Variants in NEDD4L observed in about 807,000 individuals in gnomAD.
NEDD4L encodes NEDD4 like E3 ubiquitin protein ligase, also known as E3 ubiquitin-protein ligase NEDD4-like.
A neutral mutation model predicts 148.9 loss-of-function variants in NEDD4L; 54 were observed. That is an observed-to-expected ratio of 0.36 (90% CI 0.29 to 0.45). The LOEUF is 0.45. Among genes scored for constraint, NEDD4L ranks in the 20% least tolerant of loss-of-function variants. The pLI, the probability that NEDD4L is intolerant of heterozygous loss-of-function variation, is 1.00. For missense variants in NEDD4L, 856 were observed against 1,233.8 expected (o/e 0.69, Z 4.59); for synonymous variants, 433 against 440.7 (o/e 0.98, Z 0.22).
Position 58,370,484 on chromosome 18 carries a change from C to T in NEDD4L, c.2256+17C>T. The stretch of plus-strand genomic sequence containing the variant: ...GAATCTGTGGTAAGTAAATGCACGT[C>T]ACACACTGGCCATCACCGGGCACTC... On this transcript the variant is annotated intron_variant, in intron 23 of 30. Transcript: ENST00000400345. 1 of 1,531,238 alleles carries T rather than the reference C, an allele frequency of 6.5e-7. No homozygotes were observed. The highest frequency in any genetic ancestry group is 9.1e-7 in the Non-Finnish European group (1 of 1,104,506). 94.9% of individuals were successfully genotyped at this position (1,531,238 alleles called of 1,614,324 possible).
chr18:58,287,214 G>C (rs1221923293), intron 5 of NEDD4L, among the ~76,000 whole-genome samples: 1 of 151,758 alleles, frequency 6.6e-6, no homozygotes, highest in Non-Finnish European at 1.5e-5. Context: ...CAAAAAGGCA[G>C]CTCTCAACCC....
At chr18:58,291,722 C>CTAATTAAGGACAAAAAT (rs2054793552) in intron 5 of NEDD4L, among the ~76,000 whole-genome samples, 1 of 152,152 alleles carries the variant, frequency 6.6e-6, no homozygotes, top group Non-Finnish European at 1.5e-5. Context: ...TTAGATGAAA[C>CTAATTAAGGACAAAAAT]TAATTAAGGA....
chr18:58,255,510 G>T, intron 5 of NEDD4L: 1 of 1,231,006 alleles, frequency 8.1e-7, no homozygotes, highest in South Asian at 4.3e-5. Context: ...TGTCGCTCCC[G>T]GTGCCGCAGT....
At chr18:58,325,760 C>G (rs1568705302) in intron 9 of NEDD4L, among the ~76,000 whole-genome samples, 1 of 152,122 alleles carries the variant, frequency 6.6e-6, no homozygotes, top group Non-Finnish European at 1.5e-5. Flanking sequence ...CTGTTTTGTT[C>G]CCTCAGCAAT....
chr18:58,165,945 T>C (rs2036797082), intron 2 of NEDD4L, 84 bp downstream of exon 2: 3 of 1,127,380 alleles, frequency 2.7e-6, no homozygotes, highest in Non-Finnish European at 3.9e-6. Flanking sequence ...CAGAATCACC[T>C]GGAGGACTTC....
In NEDD4L at chr18:58,396,841, C is replaced by A. The variant is rs988076318; in HGVS notation, c.*572C>A. ...GGAAGGCAAATTTTTGTCCAAAAAC[C>A]TACAGACAAGTACTTTGAGAGAATT... On this transcript the variant is annotated 3_prime_UTR_variant, in exon 31 of 31. Transcript: ENST00000400345. 3 of 152,352 alleles carry A rather than the reference C, an allele frequency of 2.0e-5. No homozygotes were observed. Among genetic ancestry groups the A allele is most frequent in the African/African-American group, 7.3e-5 (3 of 41,338 alleles). The allele number at this position is 152,352 out of a possible 1,614,324, so 9.4% of individuals were successfully genotyped here.
At chr18:58,352,918 C>A (rs775449903) in intron 18 of NEDD4L, among the ~76,000 whole-genome samples, 2 of 152,286 alleles carry the variant, frequency 1.3e-5, no homozygotes, top group South Asian at 2.1e-4. Context: ...AACACAATTA[C>A]AAAGGGCTGT....
intron 1 of NEDD4L, among the ~76,000 whole-genome samples, chr18:58,142,040 C>CTT (rs552184742): frequency 0.02 from 836 of 41,862 alleles, 42 homozygotes; most frequent in African/African-American, 0.035. Flanking sequence ...AAATTTCTTT[C>CTT]TTTTTTTTTT....
At chr18:58,228,552 A>G (rs2044653085) in intron 2 of NEDD4L, among the ~76,000 whole-genome samples, 1 of 152,208 alleles carries the variant, frequency 6.6e-6, no homozygotes, top group Non-Finnish European at 1.5e-5. Flanking sequence ...AGGCTATTTG[A>G]TTAATAATTT....
chr18:58,046,242 T>G lies in NEDD4L; in HGVS notation c.48+1534T>G, dbSNP rs531973951. 2.0e-5 allele frequency: 3 copies of G among 152,324 alleles called. No homozygotes were observed. The South Asian group carries it at 6.2e-4, about 32-fold the overall frequency. The allele number at this position is 152,324 out of a possible 1,614,324, so 9.4% of individuals were successfully genotyped here. On this transcript the variant is annotated intron_variant, in intron 1 of 30. Coordinates refer to ENST00000400345, the MANE Select transcript of NEDD4L (RefSeq NM_001144967.3). ...GATAGGTGACAGTAGCATTGTTTCA[T>G]TGACCCGGGGGGCTTCTCCTCTCCC...
At chr18:58,155,077 C>T (rs1036795066) in intron 1 of NEDD4L, among the ~76,000 whole-genome samples, 16 of 151,936 alleles carry the variant, frequency 1.1e-4, no homozygotes, top group Non-Finnish European at 1.3e-4. Flanking sequence ...AAATCTAGTC[C>T]ATGGACACAA....
chr18:58,362,809 G>A (rs369529921), intron 19 of NEDD4L, among the ~76,000 whole-genome samples: 1 of 152,232 alleles, frequency 6.6e-6, no homozygotes, highest in African/African-American at 2.4e-5. Context: ...TTTGTGACGG[G>A]ATGTACTGTT....
intron 13 of NEDD4L, chr18:58,335,760 T>C: frequency 2.2e-6 from 1 of 450,898 alleles, no homozygotes; most frequent in Non-Finnish European, 4.0e-6. Context: ...TTAGGAATAC[T>C]ATCAGGCTTT....
intron 1 of NEDD4L, among the ~76,000 whole-genome samples, chr18:58,076,656 G>A (rs971581963): frequency 6.6e-6 from 1 of 152,040 alleles, no homozygotes; most frequent in Non-Finnish European, 1.5e-5. Flanking sequence ...GTCTTTCAGC[G>A]GGCGGGCGGG....
chr18:58,337,331 G>A (rs1393017333), intron 13 of NEDD4L, among the ~76,000 whole-genome samples: 1 of 152,148 alleles, frequency 6.6e-6, no homozygotes, highest in African/African-American at 2.4e-5. Flanking sequence ...CTCTTCTGCT[G>A]TATCCTGCAT....
In NEDD4L at chr18:58,167,768, G is replaced by T. The variant is rs1451379796; in HGVS notation, c.122+1907G>T. Among the ~76,000 whole-genome samples the T allele has an allele frequency of 2.0e-5, 3 of 152,246 alleles. No homozygotes were observed. The East Asian group carries it at 5.8e-4, about 29-fold the overall frequency. On this transcript the variant is annotated intron_variant, in intron 2 of 30. Transcript: ENST00000400345. ...AATGTAAACATTTGCATGCCAACCG[G>T]TAGTGGATTGTGCCCTTAGGTTAAA...
chr18:58,342,075 C>A (rs533144557), intron 15 of NEDD4L, among the ~76,000 whole-genome samples: 1 of 152,200 alleles, frequency 6.6e-6, no homozygotes, highest in South Asian at 2.1e-4. Context: ...TTCCACCGTT[C>A]TTGTTGTGTT....
intron 11 of NEDD4L, among the ~76,000 whole-genome samples, chr18:58,331,587 T>C (rs1481490417): frequency 1.3e-5 from 2 of 152,220 alleles, no homozygotes; most frequent in African/African-American, 2.4e-5. Flanking sequence ...TCACAAAGAC[T>C]TCCATGTTTG....
At chr18:58,185,152 G>C (rs2039327928) in intron 2 of NEDD4L, among the ~76,000 whole-genome samples, 1 of 152,134 alleles carries the variant, frequency 6.6e-6, no homozygotes, top group Admixed American at 6.5e-5. Context: ...CAGGTTCCTG[G>C]TTAGCATTTA....
Sources: allele counts gnomAD v4.1 joint callset (sites outside exome capture counted in the v4.1 genomes callset), GRCh38; gene constraint gnomAD v4.1.1; transcripts MANE v1.5; gene names NCBI Gene and HGNC (gene_info 2026-07-23, HGNC 2026-07-21).